Variants in SH2D1B observed in about 807,000 individuals in gnomAD.
SH2D1B encodes SH2 domain containing 1B.
SH2D1B carries 11 observed loss-of-function variants against 16.3 expected under a neutral mutation model. The observed-to-expected ratio is 0.67, with a 90% CI of 0.42 to 1.11. The LOEUF is 1.11. Among genes scored for constraint, SH2D1B ranks in the 50% most tolerant of loss-of-function variants. SH2D1B has a pLI of 0.00. For synonymous variants in SH2D1B, 55 were observed against 56.1 expected (o/e 0.98, Z 0.09); for missense variants, 123 against 153.1 (o/e 0.80, Z 1.04).
rs1311707718 is a variant in SH2D1B, at chr1:162,400,260, T to C, written c.199-1173A>G. On this transcript the variant is annotated intron_variant, in intron 2 of 3. Coordinates refer to ENST00000367929, the MANE Select transcript of SH2D1B (RefSeq NM_053282.5). Reference sequence around the variant, plus strand: ...TCAGTTAAGTTGTAAATAGATGTTTTCTGTTTACCAGCTATACACCACGTA... The same window carrying C: ...TCAGTTAAGTTGTAAATAGATGTTTCCTGTTTACCAGCTATACACCACGTA... Among the ~76,000 whole-genome samples the C allele has an allele frequency of 1.3e-5, 2 of 151,712 alleles. 1 individual carries two copies. Among genetic ancestry groups the C allele is most frequent in the East Asian group, 3.9e-4 (2 of 5,164 alleles).
At position 162,411,980 on chromosome 1, in the gene SH2D1B, G is replaced by T; in HGVS notation, c.37C>A (p.Gln13Lys). 1 of 1,614,158 alleles carries T rather than the reference G, an allele frequency of 6.2e-7. No homozygotes were observed. Among genetic ancestry groups the T allele is most frequent in the Middle Eastern group, 1.7e-4 (1 of 6,060 alleles). Residue 13 changes from glutamine (Q) to lysine (K), a missense_variant, in exon 1 of 4, where the codon CAA becomes AAA. Transcript: ENST00000367929. ...LPYYHGRLTK[Q>K]DCETLLLKEG... ...TTGAGCAGCAAGGTCTCACAGTCTT[G>T]CTTGGTCAGACGTCCATGGTAGTAA...
chr1:162,411,829 CCATTGCCACATTCAA>C, intron 1 of SH2D1B, 39 bp downstream of exon 1: 1 of 1,607,648 alleles, frequency 6.2e-7, no homozygotes, highest in Non-Finnish European at 8.5e-7. Flanking sequence ...TGTGTGGCAG[CCATTGCCACATTCAA>C]CATACGATGT....
chr1:162,410,246 A>G (rs1272411535), intron 1 of SH2D1B, among the ~76,000 whole-genome samples: 1 of 152,102 alleles, frequency 6.6e-6, no homozygotes, highest in African/African-American at 2.4e-5. Flanking sequence ...TTTACCCCTG[A>G]TGTTTCCTCC....
intron 3 of SH2D1B, among the ~76,000 whole-genome samples, chr1:162,397,562 C>T (rs903658933): frequency 6.6e-6 from 1 of 152,202 alleles, no homozygotes; most frequent in Admixed American, 6.5e-5. Context: ...AAGAAATCTG[C>T]ACCTCCCTTG....
chr1:162,403,701 T>TACACACAC (rs57093863), intron 1 of SH2D1B, among the ~76,000 whole-genome samples: 86 of 132,336 alleles, frequency 6.5e-4, no homozygotes, highest in African/African-American at 2.5e-3. Flanking sequence ...TGAAGAAAGT[T>TACACACAC]ACACACACAC....
chr1:162,407,198 C>A (rs1267389664), intron 1 of SH2D1B, among the ~76,000 whole-genome samples: 1 of 152,178 alleles, frequency 6.6e-6, no homozygotes, highest in Non-Finnish European at 1.5e-5. Context: ...CTTTTCTATT[C>A]TCCCTAAGTG....
In SH2D1B at chr1:162,411,921, G is replaced by A. The variant is rs754493929; in HGVS notation, c.96C>T (p.Asp32=). The A allele has an allele frequency of 1.1e-5, 18 of 1,614,078 alleles. No homozygotes were observed. In the South Asian group the frequency reaches 1.5e-4, roughly 14 times the overall value. The change falls in exon 1 of 4, where the codon GAC becomes GAT. Residue 32 remains aspartate (D), a synonymous_variant. Coordinates refer to ENST00000367929, the MANE Select transcript of SH2D1B (RefSeq NM_053282.5). The part of the protein sequence containing the change: ...EGVDGNFLLR[D]SESIPGVLCL... ...ACAGGACTCCTGGTATCGACTCGCT[G>A]TCTCTTAAAAGAAAGTTGCCATCCA...
chr1:162,408,304 A>G lies in SH2D1B; in HGVS notation c.134+3579T>C, dbSNP rs144456628. Among the ~76,000 whole-genome samples the G allele has an allele frequency of 1.6e-4, 24 of 152,190 alleles. No homozygotes were observed. In the East Asian group the frequency reaches 4.3e-3, roughly 27 times the overall value. ...GAAATGTTGTTTGCCTTTCAGTGAC[A>G]TGTGTAGGGAGGTGGGTGAGACCTG... is the stretch of plus-strand genomic sequence containing the variant. On this transcript the variant is annotated intron_variant, in intron 1 of 3. Coordinates refer to ENST00000367929, the MANE Select transcript of SH2D1B (RefSeq NM_053282.5).
intron 2 of SH2D1B, among the ~76,000 whole-genome samples, chr1:162,399,817 G>A (rs940133315): frequency 6.6e-6 from 1 of 152,146 alleles, no homozygotes; most frequent in East Asian, 1.9e-4. Context: ...CTCCATCCAT[G>A]TCCCTGCAAA....
In SH2D1B at chr1:162,412,031, T is replaced by C; in HGVS notation, c.-15A>G. On this transcript the variant is annotated 5_prime_UTR_variant, in exon 1 of 4. In the 5' UTR this introduces an upstream ATG that the reference lacks. Transcript: ENST00000367929. ...GGCAGATCCATGGAGAACGCTCTTG[T>C]ATCCCAGGAAGCCCTGTTGGCCTGA... is the stretch of plus-strand genomic sequence containing the variant. 11 of 1,613,904 alleles carry C rather than the reference T, an allele frequency of 6.8e-6. No individual in the cohort carries two copies. The highest frequency in any genetic ancestry group is 9.3e-6 in the Non-Finnish European group (11 of 1,179,846).
At chr1:162,410,806 G>A (rs1206739205) in intron 1 of SH2D1B, among the ~76,000 whole-genome samples, 3 of 151,690 alleles carry the variant, frequency 2.0e-5, no homozygotes, top group Admixed American at 6.6e-5. Context: ...ACAAGCATAC[G>A]CCACCACACC....
chr1:162,411,765 C>G, intron 1 of SH2D1B, 118 bp downstream of exon 1: 1 of 1,332,424 alleles, frequency 7.5e-7, no homozygotes, highest in Non-Finnish European at 1.0e-6. Context: ...TCTCATTCTA[C>G]TCATTGAGAC....
At chr1:162,402,192 C>T (rs1165125434) in intron 2 of SH2D1B, among the ~76,000 whole-genome samples, 1 of 152,146 alleles carries the variant, frequency 6.6e-6, no homozygotes, top group African/African-American at 2.4e-5. Flanking sequence ...GGAGGAGCCA[C>T]AGTGGAATAA....
At chr1:162,399,324 T>C (rs767085726) in intron 2 of SH2D1B, among the ~76,000 whole-genome samples, 5 of 152,134 alleles carry the variant, frequency 3.3e-5, no homozygotes, top group Non-Finnish European at 5.9e-5. Context: ...GCGCAGTCCA[T>C]AGTATCAAGT....
At chr1:162,402,838 T>C (rs1648552380) in intron 1 of SH2D1B, 36 bp from the exon 2 acceptor site, 1 of 1,524,006 alleles carries the variant, frequency 6.6e-7, no homozygotes, top group South Asian at 1.1e-5. Flanking sequence ...CAAAATGTTC[T>C]ATGCAAATCC....
At position 162,402,821 on chromosome 1, in the gene SH2D1B, T is replaced by G. The variant is rs755991104; in HGVS notation, c.135-19A>C. The G allele has an allele frequency of 3.7e-6, 6 of 1,601,026 alleles. No homozygotes were observed. The Admixed American group carries it at 1.0e-4, about 27-fold the overall frequency. ...TTTAAACCTGTGGAAAAAATGACTG[T>G]GTGAATCAAAATGTTCTATGCAAAT... is the stretch of plus-strand genomic sequence containing the variant. On this transcript the variant is annotated intron_variant, in intron 1 of 3. Transcript: ENST00000367929.
At chr1:162,400,872 C>G (rs536399839) in intron 2 of SH2D1B, among the ~76,000 whole-genome samples, 9 of 152,180 alleles carry the variant, frequency 5.9e-5, no homozygotes, top group Admixed American at 3.3e-4. Flanking sequence ...TCGCTTGAAC[C>G]AGGACGCGGA....
At chr1:162,403,715 C>T (rs1247206902) in intron 1 of SH2D1B, among the ~76,000 whole-genome samples, 1 of 87,280 alleles carries the variant, frequency 1.1e-5, no homozygotes. Flanking sequence ...CACACACACA[C>T]ACACACACAC....
At chr1:162,400,518 A>G (rs1393261721) in intron 2 of SH2D1B, among the ~76,000 whole-genome samples, 2 of 142,230 alleles carry the variant, frequency 1.4e-5, no homozygotes, top group African/African-American at 5.2e-5. Context: ...GTTAGCCAGG[A>G]TGGTCTCGAT....
Sources: allele counts gnomAD v4.1 joint callset (sites outside exome capture counted in the v4.1 genomes callset), GRCh38; gene constraint gnomAD v4.1.1; transcripts MANE v1.5; gene names NCBI Gene and HGNC (gene_info 2026-07-23, HGNC 2026-07-21).